Variants in ACSM2B observed in about 807,000 individuals in gnomAD.
ACSM2B encodes the protein acyl-coenzyme A synthetase ACSM2B, mitochondrial.
ACSM2B carries 58 observed loss-of-function variants against 78.6 expected under a neutral mutation model. The ratio of observed to expected loss-of-function variants is 0.74; its 90% CI spans 0.60 to 0.92. The LOEUF is 0.92. ACSM2B is among the 40% of genes least tolerant of loss of function. ACSM2B has a pLI of 0.00. For synonymous variants in ACSM2B, 257 were observed against 256.8 expected, an observed-to-expected ratio of 1.00 and a Z score of -0.01; for missense variants, 688 against 711.2, an observed-to-expected ratio of 0.97 and a Z score of 0.37.
rs552592231 is a variant in ACSM2B at position 20,564,918 on chromosome 16, G to A, written c.-8-65C>T. ...ACAGATTGCTCTACTGATCATCAGCGGCTTCAGGAGATTCATCCCAACCTT... is the reference window on the plus strand; with the variant it reads ...ACAGATTGCTCTACTGATCATCAGCAGCTTCAGGAGATTCATCCCAACCTT... On this transcript the variant is annotated intron_variant, in intron 1 of 13. Transcript: ENST00000329697. 1.6e-3 allele frequency: 2,455 copies of A among 1,523,276 alleles called. 30 individuals are homozygous for A. The Admixed American group carries it at 0.029, about 18-fold the overall frequency. The allele number at this position is 1,523,276 out of a possible 1,614,324, so 94.4% of individuals were successfully genotyped here.
At position 20,547,314 on chromosome 16, in the gene ACSM2B, T is replaced by C. The variant is rs916036480; in HGVS notation, c.1098+748A>G. On this transcript the variant is annotated intron_variant, in intron 8 of 13. Transcript: ENST00000329697. ...GCCACAACTCCATTGTCCTTATTCATATTTGCAGAGCTCTTCCTGGCTCTT... is the reference window on the plus strand; with the variant it reads ...GCCACAACTCCATTGTCCTTATTCACATTTGCAGAGCTCTTCCTGGCTCTT... 4 of 985,272 alleles carry C rather than the reference T, an allele frequency of 4.1e-6. No individual in the cohort carries two copies. The Admixed American group carries it at 1.8e-4, about 45-fold the overall frequency. 61.0% of individuals were successfully genotyped at this position (985,272 alleles called of 1,614,324 possible).
rs760645866 is a variant in ACSM2B, at chr16:20,537,215, A to C, written c.*43T>G. 3 of 1,606,340 alleles carry C rather than the reference A, an allele frequency of 1.9e-6. No individual in the cohort carries two copies. Among genetic ancestry groups the C allele is most frequent in the Non-Finnish European group, 1.7e-6 (2 of 1,173,200 alleles). ...GGCCAAGGGCCCAAAGGGAAAAGAA[A>C]GAGAAAGAAGAGGGGAATCCAAATG... On this transcript the variant is annotated 3_prime_UTR_variant, in exon 14 of 14. Coordinates refer to ENST00000329697, the MANE Select transcript of ACSM2B (RefSeq NM_001105069.2).
intron 1 of ACSM2B, among the ~76,000 whole-genome samples, chr16:20,566,436 A>G (rs2015845861): frequency 7.7e-6 from 1 of 129,596 alleles, no homozygotes; most frequent in South Asian, 2.2e-4. Context: ...ATACATTTAT[A>G]TTGTATATAA....
intron 5 of ACSM2B, among the ~76,000 whole-genome samples, chr16:20,552,575 A>T (rs1037947396): frequency 1.2e-4 from 18 of 152,196 alleles, no homozygotes; most frequent in Non-Finnish European, 2.2e-4. Context: ...CTTAACTCCA[A>T]AACTCCGTAC....
chr16:20,543,008 C>A lies in ACSM2B; in HGVS notation c.1415G>T (p.Arg472Leu). Reference sequence around the variant, plus strand: ...ATTCTCTACCTCCGAGGGTCCAATCCGGTACCTGCAGAAGAACCTGTCCTT... The same window carrying A: ...ATTCTCTACCTCCGAGGGTCCAATCAGGTACCTGCAGAAGAACCTGTCCTT... ...ADDIINSSGY[R>L]IGPSEVENAL... is the part of the protein sequence containing the mutation. The change falls in exon 12 of 14, where the codon CGG (arginine) becomes CTG (leucine). Residue 472 changes from arginine (R) to leucine (L), a missense_variant. Coordinates refer to ENST00000329697, the MANE Select transcript of ACSM2B (RefSeq NM_001105069.2). 6.8e-6 allele frequency: 11 copies of A among 1,613,606 alleles called. No homozygotes were observed. The highest frequency in any genetic ancestry group is 9.3e-6 in the Non-Finnish European group (11 of 1,179,864).
chr16:20,570,670 G>A (rs1432250246), intron 1 of ACSM2B, among the ~76,000 whole-genome samples: 3 of 151,836 alleles, frequency 2.0e-5, no homozygotes, highest in Non-Finnish European at 4.4e-5. Context: ...GAATTCAGCT[G>A]TGAATTCATC....
Position 20,545,232 on chromosome 16 carries a change from C to A in ACSM2B, c.1206G>T (p.Leu402=). 6.2e-7 allele frequency: 1 copy of A among 1,613,844 alleles called. No homozygotes were observed. Among genetic ancestry groups the A allele is most frequent in the Non-Finnish European group, 8.5e-7 (1 of 1,179,818 alleles). ...VQVIDDKGNV[L]PPGTEGDIGI... ...CAATGTCTCCTTCTGTGCCGGGGGG[C>A]AGGACGTTGCCCTTATCATCTATAA... The change falls in exon 10 of 14, where the codon CTG becomes CTT. Residue 402 remains leucine (L), a synonymous_variant. Coordinates refer to ENST00000329697, the MANE Select transcript of ACSM2B (RefSeq NM_001105069.2).
intron 1 of ACSM2B, among the ~76,000 whole-genome samples, chr16:20,566,247 T>TTATATG: frequency 1.4e-5 from 1 of 69,968 alleles, no homozygotes; most frequent in African/African-American, 5.5e-5. Flanking sequence ...TCATGGAAGA[T>TTATATG]TATATATATA....
intron 2 of ACSM2B, among the ~76,000 whole-genome samples, chr16:20,563,825 C>T (rs1262120303): frequency 1.3e-5 from 2 of 152,054 alleles, no homozygotes; most frequent in African/African-American, 4.8e-5. Flanking sequence ...TCCACCCCTT[C>T]CCCTACCCCT....
At chr16:20,553,119 A>G (rs1453675332) in intron 5 of ACSM2B, among the ~76,000 whole-genome samples, 3 of 152,144 alleles carry the variant, frequency 2.0e-5, no homozygotes, top group Non-Finnish European at 1.5e-5. Context: ...TTCTGTCCCT[A>G]TGGGCTCATA....
chr16:20,559,164 G>T lies in ACSM2B; in HGVS notation c.388+73C>A, dbSNP rs1351852347. The T allele has an allele frequency of 8.2e-5, 122 of 1,493,864 alleles. No individual in the cohort carries two copies. In the East Asian group the frequency reaches 2.5e-3, roughly 30 times the overall value. The allele number at this position is 1,493,864 out of a possible 1,614,324, so 92.5% of individuals were successfully genotyped here. A position where few individuals can be genotyped will look rare whatever the true frequency, so the allele number is the denominator to read the frequency against. ...AAGGCAGAGACTTCTTTTGAGAGAGGTGGCTGCATTTCTCTGCTATCAGTT... is the reference window on the plus strand; with the variant it reads ...AAGGCAGAGACTTCTTTTGAGAGAGTTGGCTGCATTTCTCTGCTATCAGTT... On this transcript the variant is annotated intron_variant, in intron 3 of 13. Transcript: ENST00000329697.
chr16:20,550,884 T>A (rs1382905978), intron 6 of ACSM2B, among the ~76,000 whole-genome samples: 2 of 152,102 alleles, frequency 1.3e-5, no homozygotes, highest in Non-Finnish European at 1.5e-5. Context: ...TAGGAAAAAA[T>A]TCCACTTATT....
intron 12 of ACSM2B, 48 bp downstream of exon 12, chr16:20,542,866 C>G: frequency 1.2e-6 from 2 of 1,608,328 alleles, no homozygotes; most frequent in African/African-American, 2.7e-5. Flanking sequence ...TACTACACTG[C>G]CCTTGTGTTC....
intron 2 of ACSM2B, among the ~76,000 whole-genome samples, chr16:20,562,505 G>A (rs2015693192): frequency 6.6e-6 from 1 of 152,104 alleles, no homozygotes. Context: ...TTTTGTTCTT[G>A]CTCATTCGTG....
intron 1 of ACSM2B, among the ~76,000 whole-genome samples, chr16:20,573,805 A>G (rs550743579): frequency 2.6e-5 from 4 of 152,178 alleles, no homozygotes; most frequent in Admixed American, 2.0e-4. Flanking sequence ...AAAAGAGGAG[A>G]GGGTGTACGA....
At chr16:20,550,022 C>A (rs763429736) in intron 6 of ACSM2B, 5 of 268,670 alleles carry the variant, frequency 1.9e-5, no homozygotes, top group Non-Finnish European at 3.7e-5. Context: ...GACTTAAAGT[C>A]TATATTGATG....
rs1221891628 is a variant in ACSM2B, at chr16:20,567,755, A to G, written c.-8-2902T>C. On this transcript the variant is annotated intron_variant, in intron 1 of 13. Coordinates refer to ENST00000329697, the MANE Select transcript of ACSM2B (RefSeq NM_001105069.2). Reference sequence around the variant, plus strand: ...AGAGTGAATTTATATATATAATAGTATAGTGTATATACAGATATATATAAT... The same window carrying G: ...AGAGTGAATTTATATATATAATAGTGTAGTGTATATACAGATATATATAAT... Among the ~76,000 whole-genome samples the G allele has an allele frequency of 2.9e-5, 4 of 140,306 alleles. No individual in the cohort carries two copies. In the East Asian group the frequency reaches 7.9e-4, roughly 28 times the overall value. The allele number at this position is 140,306 out of a possible 152,430, so 92.0% of individuals were successfully genotyped here.
intron 8 of ACSM2B, 153 bp from the exon 9 acceptor site, chr16:20,546,627 C>T (rs563389832): frequency 1.5e-6 from 2 of 1,305,924 alleles, no homozygotes; most frequent in Admixed American, 6.2e-5. Flanking sequence ...GCTCTCTCCC[C>T]ATTACTGGAA....
In ACSM2B at chr16:20,548,381, A is replaced by G; in HGVS notation, c.974+13T>C. On this transcript the variant is annotated intron_variant, in intron 7 of 13. Transcript: ENST00000329697. ...GGGCCAGACTCTCTTACCAATCCTC[A>G]AAGCCCCATCACCTGGAAAGATCCT... 1 of 1,613,584 alleles carries G rather than the reference A, an allele frequency of 6.2e-7. No homozygotes were observed.
Sources: gnomAD v4.1 joint callset for allele counts (sites outside exome capture counted in the v4.1 genomes callset) on GRCh38, gnomAD v4.1.1 for gene constraint, MANE v1.5 for transcripts, NCBI Gene and HGNC (gene_info 2026-07-23, HGNC 2026-07-21) for gene names.